Variants in TAF8 observed in about 807,000 individuals in gnomAD.
TAF8 encodes TATA-box binding protein associated factor 8, also known as transcription initiation factor TFIID subunit 8.
In TAF8, 47 loss-of-function variants were observed where a neutral mutation model predicts 36.5. That is an observed-to-expected ratio of 1.29 (90% CI 1.02 to 1.64). The LOEUF (loss-of-function observed/expected upper bound fraction) is 1.64. Among genes scored for constraint, TAF8 ranks in the 40% most tolerant of loss-of-function variants. TAF8 has a pLI of 0.00. For synonymous variants in TAF8, 175 were observed against 159.5 expected (o/e 1.10, Z -0.73); for missense variants, 420 against 407.6 (o/e 1.03, Z -0.26).
At chr6:42,083,479 G>A (rs2127468334), downstream of TAF8, among the ~76,000 whole-genome samples, 1 of 152,314 alleles carries the variant, frequency 6.6e-6, no homozygotes, top group East Asian at 1.9e-4. Flanking sequence ...TCCTGCACGA[G>A]TGCCTGCCTC....
At chr6:42,072,611 C>T (rs1765617051) in intron 7 of TAF8, among the ~76,000 whole-genome samples, 1 of 152,212 alleles carries the variant, frequency 6.6e-6, no homozygotes, top group Non-Finnish European at 1.5e-5. Flanking sequence ...ACTTTATCTT[C>T]CATTGTATGG....
At chr6:42,057,543 G>A (rs776349070) in intron 5 of TAF8, 30 bp downstream of exon 5, 1 of 1,613,192 alleles carries the variant, frequency 6.2e-7, no homozygotes, top group Non-Finnish European at 8.5e-7. Flanking sequence ...GACTGCGCGT[G>A]GTGTAAAGCA....
At chr6:42,051,318 C>T in intron 1 of TAF8, 39 bp from the exon 2 acceptor site, 3 of 1,592,060 alleles carry the variant, frequency 1.9e-6, no homozygotes, top group Middle Eastern at 3.3e-4. Flanking sequence ...GTGATTGCAT[C>T]CTTCTCCTGT....
Position 42,078,854 on chromosome 6 carries a change from G to A in TAF8, c.*1309G>A. The A allele has an allele frequency of 1.0e-6, 1 of 985,468 alleles. No individual in the cohort carries two copies. The highest frequency in any genetic ancestry group is 1.2e-6 in the Non-Finnish European group (1 of 829,960). The allele number at this position is 985,468 out of a possible 1,614,324, so 61.0% of individuals were successfully genotyped here. On this transcript the variant is annotated 3_prime_UTR_variant, in exon 9 of 9. Transcript: ENST00000372977. ...TAGGAAAGAGGGGCTACGCGCAGTG[G>A]CTCACGCCTGTAATCCCAGCACTTC...
chr6:42,080,354 T>C lies in TAF8; in HGVS notation c.*2809T>C. On this transcript the variant is annotated 3_prime_UTR_variant, in exon 9 of 9. Coordinates refer to ENST00000372977, the MANE Select transcript of TAF8 (RefSeq NM_138572.3). Reference sequence around the variant, plus strand: ...TCTGCTGTTGAGATTTCAGAGGCTATACTCTTTTTTTTTCTTTTCTTTTTT... The same window carrying C: ...TCTGCTGTTGAGATTTCAGAGGCTACACTCTTTTTTTTTCTTTTCTTTTTT... The C allele has an allele frequency of 1.0e-6, 1 of 987,430 alleles. No homozygotes were observed. The highest frequency in any genetic ancestry group is 1.8e-5 in the African/African-American group (1 of 55,736). The allele number at this position is 987,430 out of a possible 1,614,324, so 61.2% of individuals were successfully genotyped here.
chr6:42,086,714 C>T, downstream of TAF8: 1 of 1,551,214 alleles, frequency 6.4e-7, no homozygotes, highest in South Asian at 1.2e-5. Flanking sequence ...CCCTACGTTC[C>T]TCAGGCCAGA....
At chr6:42,067,634 A>G (rs1176718303) in intron 6 of TAF8, among the ~76,000 whole-genome samples, 1 of 152,080 alleles carries the variant, frequency 6.6e-6, no homozygotes, top group African/African-American at 2.4e-5. Context: ...CAGTGGCACA[A>G]ACAGCTCACT....
At chr6:42,076,955 G>A (rs906448199) in intron 7 of TAF8, 145 bp from the exon 8 acceptor site, 45 of 1,031,516 alleles carry the variant, frequency 4.4e-5, no homozygotes, top group African/African-American at 1.1e-4. Context: ...TCGCTTCATC[G>A]GGGCAGAGAT....
chr6:42,055,083 C>A (rs567549181), intron 2 of TAF8, among the ~76,000 whole-genome samples: 2 of 152,150 alleles, frequency 1.3e-5, no homozygotes, highest in African/African-American at 4.8e-5. Context: ...ACCACCAGGC[C>A]TGGCTAATTT....
At chr6:42,074,005 A>G (rs1380985700) in intron 7 of TAF8, among the ~76,000 whole-genome samples, 2 of 152,130 alleles carry the variant, frequency 1.3e-5, no homozygotes, top group Non-Finnish European at 2.9e-5. Flanking sequence ...AAGGAAAAGG[A>G]GTGTGCCAGG....
At position 42,080,859 on chromosome 6, in the gene TAF8, T is replaced by G; in HGVS notation, c.*3314T>G. On this transcript the variant is annotated 3_prime_UTR_variant, in exon 9 of 9. Coordinates refer to ENST00000372977, the MANE Select transcript of TAF8 (RefSeq NM_138572.3). ...AGTAAACATGCAGATTAAAAATGTT[T>G]ATGAAAATCTCAATAAAAATTCATA... 2 of 980,174 alleles carry G rather than the reference T, an allele frequency of 2.0e-6. No individual in the cohort carries two copies. The highest frequency in any genetic ancestry group is 9.4e-5 in the South Asian group (2 of 21,178). 60.7% of individuals were successfully genotyped at this position (980,174 alleles called of 1,614,324 possible).
chr6:42,053,969 T>TA, intron 2 of TAF8, among the ~76,000 whole-genome samples: 1 of 152,186 alleles, frequency 6.6e-6, no homozygotes, highest in Non-Finnish European at 1.5e-5. Flanking sequence ...GGTCTCTTGT[T>TA]AGACACCCTT....
intron 5 of TAF8, among the ~76,000 whole-genome samples, chr6:42,064,956 C>CAAAA (rs59214523): frequency 1.1e-4 from 8 of 73,714 alleles, no homozygotes; most frequent in African/African-American, 4.0e-4. Flanking sequence ...GACTCTGTCT[C>CAAAA]AAAAAAAAAA....
chr6:42,066,460 G>A lies in TAF8; in HGVS notation c.637+1G>A, dbSNP rs1765367417. ...AAAGATGACGTCAGCACATTTCCATGTGAGAGTTGCCCCACTGTGTGGACC... is the reference window on the plus strand; with the variant it reads ...AAAGATGACGTCAGCACATTTCCATATGAGAGTTGCCCCACTGTGTGGACC... On this transcript the variant is annotated splice_donor_variant, in intron 6 of 8. Transcript: ENST00000372977. LOFTEE classifies it high-confidence loss of function. 2 of 1,614,016 alleles carry A rather than the reference G, an allele frequency of 1.2e-6. No homozygotes were observed. Among genetic ancestry groups the A allele is most frequent in the South Asian group, 1.1e-5 (1 of 91,090 alleles).
chr6:42,086,928 C>T (rs541515239), downstream of TAF8: 136 of 678,318 alleles, frequency 2.0e-4, no homozygotes, highest in African/African-American at 8.9e-4. Flanking sequence ...GCGCAGCCAT[C>T]GGGAAGGTCA....
chr6:42,059,783 T>TG (rs1385856971), intron 5 of TAF8, among the ~76,000 whole-genome samples: 2 of 152,216 alleles, frequency 1.3e-5, no homozygotes, highest in African/African-American at 4.8e-5. Context: ...AGAAGCAAGA[T>TG]GGAGTCAGTT....
Position 42,077,156 on chromosome 6 carries a change from G to A in TAF8, c.837G>A (p.Leu279=), listed in dbSNP as rs1286154717. The part of the protein sequence containing the change: ...NTSVLQQNPS[L]SGSRNGEENI... ...CTGTCCTGCAGCAGAACCCCTCCTT[G>A]TCGGGTAGCCGGAATGGGGAGGAGA... Residue 279 remains leucine, a synonymous_variant, in exon 8 of 9, where the codon TTG becomes TTA. Transcript: ENST00000372977. 2.5e-6 allele frequency: 4 copies of A among 1,614,192 alleles called. No homozygotes were observed. The highest frequency in any genetic ancestry group is 3.4e-6 in the Non-Finnish European group (4 of 1,180,010).
intron 2 of TAF8, among the ~76,000 whole-genome samples, chr6:42,053,067 C>T (rs540600296): frequency 2.3e-4 from 35 of 152,190 alleles, no homozygotes; most frequent in Non-Finnish European, 4.4e-4. Flanking sequence ...TTCAGAACTC[C>T]TATATTTATT....
At chr6:42,076,313 C>CA (rs1355625023) in intron 7 of TAF8, among the ~76,000 whole-genome samples, 3 of 151,546 alleles carry the variant, frequency 2.0e-5, no homozygotes, top group Non-Finnish European at 4.4e-5. Context: ...AGCCGGGCGT[C>CA]ATGGCACATG....
Sources: gnomAD v4.1 joint callset for allele counts (sites outside exome capture counted in the v4.1 genomes callset) on GRCh38, gnomAD v4.1.1 for gene constraint, MANE v1.5 for transcripts, NCBI Gene and HGNC (gene_info 2026-07-23, HGNC 2026-07-21) for gene names.